F11: variants seen among roughly 807,000 people sequenced by gnomAD.
F11 encodes coagulation factor XI, also known as coagualtion factor XI.
Under a neutral mutation model 76.5 loss-of-function variants are expected in F11, and 78 were observed. The ratio of observed to expected loss-of-function variants is 1.02; its 90% CI spans 0.85 to 1.23. F11 has a LOEUF of 1.23. Ranked by LOEUF, F11 falls within the 50% of genes most tolerant of loss-of-function variation. F11 has a pLI of 0.00. For missense variants in F11, 742 were observed against 771.4 expected (o/e 0.96, Z 0.45); for synonymous variants, 278 against 276.3 (o/e 1.01, Z -0.06).
chr4:186,267,330 A>T (rs1739581738), intron 2 of F11, 139 bp downstream of exon 2: 1 of 716,788 alleles, frequency 1.4e-6, no homozygotes, highest in Non-Finnish European at 2.5e-6. Context: ...GAGGCTCCAG[A>T]GGTTTTCAAA....
In F11 at chr4:186,280,680, A is replaced by G. The variant is rs573180573; in HGVS notation, c.1135+100A>G. 4 of 1,071,610 alleles carry G rather than the reference A, an allele frequency of 3.7e-6. No homozygotes were observed. In the Admixed American group the frequency reaches 6.0e-5, roughly 16 times the overall value. 66.4% of individuals were successfully genotyped at this position (1,071,610 alleles called of 1,614,324 possible). On this transcript the variant is annotated intron_variant, in intron 10 of 14. Coordinates refer to ENST00000403665, the MANE Select transcript of F11 (RefSeq NM_000128.4). ...CAGTTATAGCCACAGAAGGGAGAACATTCAGGAAATAACAAATTTTGCAAT... is the reference window on the plus strand; with the variant it reads ...CAGTTATAGCCACAGAAGGGAGAACGTTCAGGAAATAACAAATTTTGCAAT...
rs149052026 is a variant in F11, at chr4:186,280,377, C to T, written c.1020C>T (p.Asn340=). ...FTYTPAQASC[N]EGKGKCYLKL... ...ATACCCCAGCCCAAGCATCCTGCAA[C>T]GAAGGGAAGTAAGCCATATGAAGGG... The change falls in exon 9 of 15, where the codon AAC becomes AAT. Residue 340 remains asparagine (N), a synonymous_variant. Transcript: ENST00000403665. 388 of 1,614,196 alleles carry T rather than the reference C, an allele frequency of 2.4e-4. 1 individual carries two copies. In the African/African-American group the frequency reaches 2.9e-3, roughly 12 times the overall value.
chr4:186,284,555 C>T (rs1470878666), intron 11 of F11, among the ~76,000 whole-genome samples: 2 of 152,140 alleles, frequency 1.3e-5, no homozygotes, highest in African/African-American at 4.8e-5. Context: ...CTCTGTGCCT[C>T]GCTCTGTGCA....
rs757477535 is a variant in F11, at chr4:186,271,782, A to T, written c.218+11A>T. On this transcript the variant is annotated intron_variant, in intron 3 of 14. Coordinates refer to ENST00000403665, the MANE Select transcript of F11 (RefSeq NM_000128.4). ...GGATCCCACCCGATGGTAAATGCTT[A>T]TGTTTCTACATCGAGGAGACAGATT... is the stretch of plus-strand genomic sequence containing the variant. 4.3e-6 allele frequency: 7 copies of T among 1,614,110 alleles called. No homozygotes were observed. The Middle Eastern group carries it at 8.2e-4, about 190-fold the overall frequency.
At chr4:186,272,920 A>C (rs1740084235) in intron 3 of F11, 151 bp from the exon 4 acceptor site, 1 of 608,690 alleles carries the variant, frequency 1.6e-6, no homozygotes, top group Admixed American at 2.8e-5. Context: ...GTAAAAAACA[A>C]ACTCAGAATC....
chr4:186,288,677 A>G lies in F11; in HGVS notation c.*63A>G. 6.5e-7 allele frequency: 1 copy of G among 1,549,738 alleles called. No individual in the cohort carries two copies. The highest frequency in any genetic ancestry group is 8.8e-7 in the Non-Finnish European group (1 of 1,136,940). ...CAGGATTTGCTGGGAGAGGGTGTTG[A>G]GTTCACTGTGCCAGCATGCTTCCTC... On this transcript the variant is annotated 3_prime_UTR_variant, in exon 15 of 15. Coordinates refer to ENST00000403665, the MANE Select transcript of F11 (RefSeq NM_000128.4).
intron 14 of F11, among the ~76,000 whole-genome samples, chr4:186,288,197 C>G (rs931127384): frequency 6.6e-6 from 1 of 152,066 alleles, no homozygotes; most frequent in African/African-American, 2.4e-5. Flanking sequence ...CAGGCGTGAG[C>G]CACCGCGCCG....
In F11 at chr4:186,274,228, C is replaced by A. The variant is rs121965066; in HGVS notation, c.438C>A (p.Cys146Ter). The A allele has an allele frequency of 2.3e-4, 379 of 1,614,102 alleles. 1 individual carries two copies. Among genetic ancestry groups the A allele is most frequent in the Non-Finnish European group, 3.2e-4 (374 of 1,180,046 alleles). ...AAAGATGCACGGATGACGTCCACTG[C>A]CACTTTTTCACGTACGCCACAAGGC... Reference protein sequence around the residue: ...CQERCTDDVHCHFFTYATRQF... With the variant: ...CQERCTDDVH The change falls in exon 5 of 15, where the codon TGC becomes TGA. Residue 146 changes from cysteine to a stop codon, truncating the protein, a stop_gained. Coordinates refer to ENST00000403665, the MANE Select transcript of F11 (RefSeq NM_000128.4). LOFTEE classifies it high-confidence loss of function.
intron 13 of F11, chr4:186,286,742 A>G (rs1471353041): frequency 2.0e-6 from 2 of 978,862 alleles, no homozygotes; most frequent in African/African-American, 3.5e-5. Context: ...ATATTTAATG[A>G]AGTTTAATGT....
At position 186,287,721 on chromosome 4, in the gene F11, C is replaced by G. The variant is rs1403630451; in HGVS notation, c.1614C>G (p.Pro538=). 6.2e-7 allele frequency: 1 copy of G among 1,613,252 alleles called. No individual in the cohort carries two copies. Among genetic ancestry groups the G allele is most frequent in the African/African-American group, 1.3e-5 (1 of 74,792 alleles). The change falls in exon 14 of 15, where the codon CCC becomes CCG. Residue 538 remains proline, a synonymous_variant. Coordinates refer to ENST00000403665, the MANE Select transcript of F11 (RefSeq NM_000128.4). The part of the protein sequence containing the change: ...IQNTLQKAKI[P]LVTNEECQKR... ...ATACTCTCCAGAAAGCCAAGATACCCTTAGTGACCAACGAAGAGTGCCAGA... is the reference window on the plus strand; with the variant it reads ...ATACTCTCCAGAAAGCCAAGATACCGTTAGTGACCAACGAAGAGTGCCAGA...
chr4:186,287,878 T>C (rs1017863446), intron 14 of F11, 55 bp downstream of exon 14: 11 of 1,580,830 alleles, frequency 7.0e-6, no homozygotes, highest in South Asian at 1.1e-5. Flanking sequence ...GCTTAATGCG[T>C]TGGGGTTTTT....
In F11 at chr4:186,288,775, A is replaced by G; in HGVS notation, c.*161A>G. On this transcript the variant is annotated 3_prime_UTR_variant, in exon 15 of 15. Coordinates refer to ENST00000403665, the MANE Select transcript of F11 (RefSeq NM_000128.4). The stretch of plus-strand genomic sequence containing the variant: ...AGAAAACAAACTGTCACAAGTTGTT[A>G]TGTCCAAAACTCCCGTTCTATGATC... The G allele has an allele frequency of 1.3e-6, 1 of 795,892 alleles. No homozygotes were observed. The highest frequency in any genetic ancestry group is 2.1e-6 in the Non-Finnish European group (1 of 479,192). The allele number at this position is 795,892 out of a possible 1,614,324, so 49.3% of individuals were successfully genotyped here. A position where few individuals can be genotyped will look rare whatever the true frequency, so the allele number is the denominator to read the frequency against.
Position 186,286,408 on chromosome 4 carries a change from A to C in F11, c.1481-7A>C. ...CTCATATTTAAACCACGATTTTTTA[A>C]ATTTAGATTCTCAACGACCCATATG... On this transcript the variant is annotated splice_polypyrimidine_tract_variant and splice_region_variant and intron_variant, in intron 12 of 14. Transcript: ENST00000403665. The C allele has an allele frequency of 6.2e-7, 1 of 1,613,224 alleles. No homozygotes were observed. Among genetic ancestry groups the C allele is most frequent in the Non-Finnish European group, 8.5e-7 (1 of 1,179,316 alleles).
intron 7 of F11, among the ~76,000 whole-genome samples, chr4:186,278,074 C>T (rs1233234197): frequency 6.6e-6 from 1 of 152,242 alleles, no homozygotes; most frequent in East Asian, 1.9e-4. Context: ...GCAGGGATTA[C>T]AAGCCTGAGC....
At chr4:186,284,547 C>T (rs1741045980) in intron 11 of F11, among the ~76,000 whole-genome samples, 1 of 152,180 alleles carries the variant, frequency 6.6e-6, no homozygotes, top group Non-Finnish European at 1.5e-5. Context: ...ATACCTCCCT[C>T]TGTGCCTCGC....
At chr4:186,271,112 A>G (rs1486672648) in intron 2 of F11, among the ~76,000 whole-genome samples, 1 of 152,114 alleles carries the variant, frequency 6.6e-6, no homozygotes, top group East Asian at 1.9e-4. Context: ...TGGGGTTTCC[A>G]CGGTGGGGTT....
chr4:186,270,712 G>C (rs1288250592), intron 2 of F11, among the ~76,000 whole-genome samples: 2 of 151,996 alleles, frequency 1.3e-5, no homozygotes, highest in Non-Finnish European at 2.9e-5. Context: ...GAGTGAGAGA[G>C]AAACTGGGTC....
chr4:186,274,544 C>G, intron 5 of F11: 1 of 462,926 alleles, frequency 2.2e-6, no homozygotes, highest in Non-Finnish European at 3.9e-6. Flanking sequence ...TTTAAATTGG[C>G]ACTTTTGAAA....
chr4:186,270,414 A>G (rs1326803805), intron 2 of F11, among the ~76,000 whole-genome samples: 1 of 152,072 alleles, frequency 6.6e-6, no homozygotes, highest in East Asian at 1.9e-4. Flanking sequence ...AAATGTTTAT[A>G]TGTTTAGGGG....
Sources: gnomAD v4.1 joint callset for allele counts (sites outside exome capture counted in the v4.1 genomes callset) on GRCh38, gnomAD v4.1.1 for gene constraint, MANE v1.5 for transcripts, NCBI Gene and HGNC (gene_info 2026-07-23, HGNC 2026-07-21) for gene names.